Variants in AHI1 observed in about 807,000 individuals in gnomAD.
The protein encoded by AHI1 is Abelson helper integration site 1, also known as jouberin.
A neutral mutation model predicts 149.3 loss-of-function variants in AHI1; 123 were observed. That is an observed-to-expected ratio of 0.82 (90% confidence interval 0.71 to 0.96). The LOEUF (loss-of-function observed/expected upper bound fraction) is 0.96, where lower values mean the gene tolerates loss of function less well. Among genes scored for constraint, AHI1 ranks in the 40% least tolerant of loss-of-function variants. AHI1 has a pLI of 0.00. For missense variants in AHI1, 1,439 were observed against 1,422.7 expected, an observed-to-expected ratio of 1.01 and a Z score of -0.18; for synonymous variants, 475 against 459.8, an observed-to-expected ratio of 1.03 and a Z score of -0.42.
At chr6:135,425,107 G>A (rs1391585375) in intron 20 of AHI1, among the ~76,000 whole-genome samples, 1 of 151,814 alleles carries the variant, frequency 6.6e-6, no homozygotes, top group Non-Finnish European at 1.5e-5. Flanking sequence ...AAATAGCAAC[G>A]AGTTGGGAAA....
At chr6:135,342,925 T>C (rs1019549318) in intron 24 of AHI1, among the ~76,000 whole-genome samples, 1 of 151,366 alleles carries the variant, frequency 6.6e-6, no homozygotes. Flanking sequence ...TACTGGAGGT[T>C]CTAACTGGAA....
chr6:135,411,069 T>C (rs1332563052), intron 21 of AHI1, among the ~76,000 whole-genome samples: 1 of 152,202 alleles, frequency 6.6e-6, no homozygotes, highest in East Asian at 1.9e-4. Context: ...TGCTAAGTCC[T>C]AGGTGTGGTC....
At chr6:135,438,630 C>T (rs1181979214) in intron 14 of AHI1, 132 bp from the exon 15 acceptor site, 13 of 700,216 alleles carry the variant, frequency 1.9e-5, no homozygotes, top group Non-Finnish European at 2.6e-5. Flanking sequence ...ATTTGCAGCA[C>T]AGAGAAAATT....
At chr6:135,341,275 T>C (rs1582693610) in intron 24 of AHI1, among the ~76,000 whole-genome samples, 1 of 151,818 alleles carries the variant, frequency 6.6e-6, no homozygotes, top group Admixed American at 6.6e-5. Context: ...ACCATGCAAA[T>C]GGAAATCAAA....
intron 26 of AHI1, among the ~76,000 whole-genome samples, chr6:135,310,831 G>A (rs1785098247): frequency 1.3e-5 from 2 of 151,994 alleles, no homozygotes; most frequent in Admixed American, 6.6e-5. Context: ...CTGTATTAAT[G>A]TTGAAACACT....
chr6:135,338,783 CT>C (rs1183277924), intron 24 of AHI1, among the ~76,000 whole-genome samples: 1 of 152,214 alleles, frequency 6.6e-6, no homozygotes, highest in African/African-American at 2.4e-5. Context: ...ACAACTATGG[CT>C]GCTGTGAAAA....
At position 135,284,391 on chromosome 6, in the gene AHI1, ACTGT is replaced by A. The variant is rs933961734; in HGVS notation, c.*1250_*1253del. ...CTCACTTCTTATTTTAATGGAATTG[ACTGT>A]CTAATTTGGATAGGTCTTTCTAATT... On this transcript the variant is annotated 3_prime_UTR_variant, in exon 29 of 29. Coordinates refer to ENST00000265602, the MANE Select transcript of AHI1 (RefSeq NM_001134831.2). 4.6e-5 allele frequency: 7 copies of A among 152,272 alleles called. No homozygotes were observed. The highest frequency in any genetic ancestry group is 1.3e-4 in the Admixed American group (2 of 15,296). 9.4% of individuals were successfully genotyped at this position (152,272 alleles called of 1,614,324 possible).
intron 14 of AHI1, 26 bp from the exon 15 acceptor site, chr6:135,438,524 T>C: frequency 6.6e-7 from 1 of 1,513,866 alleles, no homozygotes; most frequent in Non-Finnish European, 8.9e-7. Flanking sequence ...AGAAATTAGG[T>C]TTCCAGACAG....
rs577168399 is a variant in AHI1, at chr6:135,287,619, C to G, written c.3589-1972G>C. ...GGATAAATGCAAAGCCATTCCTTCT[C>G]TATCTTCTCATAAAGTATCTCTGTA... On this transcript the variant is annotated intron_variant, in intron 28 of 28. Coordinates refer to ENST00000265602, the MANE Select transcript of AHI1 (RefSeq NM_001134831.2). 2.0e-5 allele frequency among the ~76,000 whole-genome samples: 3 copies of G among 152,304 alleles called. No individual in the cohort carries two copies. In the East Asian group the frequency reaches 5.8e-4, roughly 29 times the overall value.
chr6:135,421,509 C>T (rs1468158747), intron 20 of AHI1, among the ~76,000 whole-genome samples: 1 of 151,966 alleles, frequency 6.6e-6, no homozygotes, highest in Non-Finnish European at 1.5e-5. Flanking sequence ...CAGAACAAAA[C>T]AAGTGCAGAA....
rs1562239848 is a variant in AHI1 at position 135,466,066 on chromosome 6, T to C, written c.497A>G (p.Asp166Gly). 6.2e-7 allele frequency: 1 copy of C among 1,613,976 alleles called. No individual in the cohort carries two copies. Among genetic ancestry groups the C allele is most frequent in the South Asian group, 1.1e-5 (1 of 91,078 alleles). Reference protein sequence around the residue: ...KTHTKPQPGVDHQKSEKANEG... With the variant: ...KTHTKPQPGVGHQKSEKANEG... Reference sequence around the variant, plus strand: ...ATTTGCCTTCTCACTTTTCTGATGATCAACGCCTGGCTGTGGCTTTGTATG... The same window carrying C: ...ATTTGCCTTCTCACTTTTCTGATGACCAACGCCTGGCTGTGGCTTTGTATG... Residue 166 changes from aspartate to glycine, a missense_variant, in exon 7 of 29, where the codon GAT becomes GGT. Coordinates refer to ENST00000265602, the MANE Select transcript of AHI1 (RefSeq NM_001134831.2).
At chr6:135,452,839 C>T (rs1429213932) in intron 11 of AHI1, among the ~76,000 whole-genome samples, 2 of 152,152 alleles carry the variant, frequency 1.3e-5, no homozygotes, top group Non-Finnish European at 2.9e-5. Flanking sequence ...ACCATTTCTT[C>T]CCCACCGGTG....
intron 23 of AHI1, chr6:135,387,659 C>T (rs1229698091): frequency 1.8e-6 from 1 of 565,960 alleles, no homozygotes; most frequent in Non-Finnish European, 2.3e-6. Context: ...TTGACATGTT[C>T]CTTTTCCTAT....
intron 24 of AHI1, among the ~76,000 whole-genome samples, chr6:135,330,158 G>A (rs943828941): frequency 9.8e-5 from 15 of 152,368 alleles, no homozygotes; most frequent in African/African-American, 3.1e-4. Context: ...AGCAGGGTTT[G>A]AGAGTACTGA....
At chr6:135,424,817 A>AT (rs1004188137) in intron 20 of AHI1, among the ~76,000 whole-genome samples, 3 of 151,712 alleles carry the variant, frequency 2.0e-5, no homozygotes, top group African/African-American at 7.3e-5. Context: ...TTATCTGATA[A>AT]TTTTTTTTAA....
chr6:135,474,268 T>C (rs565188545), intron 5 of AHI1, among the ~76,000 whole-genome samples: 1 of 152,334 alleles, frequency 6.6e-6, no homozygotes, highest in African/African-American at 2.4e-5. Context: ...CATAGACGAT[T>C]ATGTCATTTG....
At chr6:135,351,498 C>T (rs992936858) in intron 24 of AHI1, among the ~76,000 whole-genome samples, 1 of 152,118 alleles carries the variant, frequency 6.6e-6, no homozygotes, top group Non-Finnish European at 1.5e-5. Flanking sequence ...TAAAGACAAA[C>T]ACAGCCAAAG....
At position 135,447,034 on chromosome 6, in the gene AHI1, T is replaced by C. The variant is rs1221638765; in HGVS notation, c.1753A>G (p.Ile585Val). 1.9e-6 allele frequency: 3 copies of C among 1,612,534 alleles called. No homozygotes were observed. Among genetic ancestry groups the C allele is most frequent in the Non-Finnish European group, 2.5e-6 (3 of 1,179,214 alleles). Residue 585 changes from isoleucine to valine, a missense_variant, in exon 13 of 29, where the codon ATA becomes GTA. Transcript: ENST00000265602. Reference sequence around the variant, plus strand: ...TGCCCAGGGAGTCGTTTCCACTTTATTACTTCCTTTGACTCTTCTAATCCA... The same window carrying C: ...TGCCCAGGGAGTCGTTTCCACTTTACTACTTCCTTTGACTCTTCTAATCCA... ...EPGLEESKEVIKWKRLPGQAC... is the reference protein window; with the variant it reads ...EPGLEESKEVVKWKRLPGQAC...
chr6:135,477,283 A>G (rs1404783870), intron 5 of AHI1, among the ~76,000 whole-genome samples: 5 of 151,210 alleles, frequency 3.3e-5, no homozygotes, highest in African/African-American at 1.2e-4. Flanking sequence ...CTCGTGATCC[A>G]CTCGCCTCGG....
Sources: gnomAD v4.1 joint callset for allele counts (sites outside exome capture counted in the v4.1 genomes callset) on GRCh38, gnomAD v4.1.1 for gene constraint, MANE v1.5 for transcripts, NCBI Gene and HGNC (gene_info 2026-07-23, HGNC 2026-07-21) for gene names.